Variants in GRIN2B observed in about 807,000 individuals in gnomAD.
GRIN2B encodes glutamate ionotropic receptor NMDA type subunit 2B.
Under a neutral mutation model 114.5 loss-of-function variants are expected in GRIN2B, and 5 were observed. The ratio of observed to expected loss-of-function variants is 0.04; its 90% CI spans 0.02 to 0.09. GRIN2B has a LOEUF of 0.09. GRIN2B is among the 10% of genes least tolerant of loss of function. The pLI, the probability that GRIN2B is intolerant of heterozygous loss-of-function variation, is 1.00. For missense variants in GRIN2B, 1,108 were observed against 1,943.5 expected (o/e 0.57, Z 8.08); for synonymous variants, 787 against 745.1 (o/e 1.06, Z -0.92).
chr12:13,794,381 T>C (rs1864379362), intron 3 of GRIN2B, among the ~76,000 whole-genome samples: 1 of 152,140 alleles, frequency 6.6e-6, no homozygotes, highest in Non-Finnish European at 1.5e-5. Flanking sequence ...CAGCAGCAGA[T>C]CCATTTCAAT....
At chr12:13,631,237 T>TC (rs1949613264) in intron 5 of GRIN2B, among the ~76,000 whole-genome samples, 1 of 152,192 alleles carries the variant, frequency 6.6e-6, no homozygotes, top group African/African-American at 2.4e-5. Flanking sequence ...TCTCACATCC[T>TC]CCACTGAAGG....
At position 13,558,880 on chromosome 12, in the gene GRIN2B, T is replaced by G. The variant is rs192848227; in HGVS notation, c.*3903A>C. ...AATTCAAGGGTCAGATTATTGTCAGTGGAAATGCTGAGATTTAAGCATTGC... is the reference window on the plus strand; with the variant it reads ...AATTCAAGGGTCAGATTATTGTCAGGGGAAATGCTGAGATTTAAGCATTGC... On this transcript the variant is annotated 3_prime_UTR_variant, in exon 14 of 14. Coordinates refer to ENST00000609686, the MANE Select transcript of GRIN2B (RefSeq NM_000834.5). The G allele has an allele frequency of 1.2e-3, 186 of 152,294 alleles. 2 individuals carry two copies. The highest frequency in any genetic ancestry group is 4.1e-3 in the African/African-American group (171 of 41,544). The allele number at this position is 152,294 out of a possible 1,614,324, so 9.4% of individuals were successfully genotyped here.
chr12:13,928,275 C>A (rs1236667046), intron 2 of GRIN2B, among the ~76,000 whole-genome samples: 1 of 150,520 alleles, frequency 6.6e-6, no homozygotes, highest in African/African-American at 2.4e-5. Flanking sequence ...TACACTCCAG[C>A]CTGGGTGACA....
intron 2 of GRIN2B, among the ~76,000 whole-genome samples, chr12:13,900,732 T>C (rs1866434087): frequency 6.6e-6 from 1 of 152,158 alleles, no homozygotes; most frequent in Non-Finnish European, 1.5e-5. Context: ...AAACAGTATG[T>C]TCAGTTGTTT....
Position 13,544,814 on chromosome 12 carries a change from T to C in GRIN2B, c.*17969A>G, listed in dbSNP as rs930394042. 1 of 152,238 alleles carries C rather than the reference T, an allele frequency of 6.6e-6. No individual in the cohort carries two copies. The highest frequency in any genetic ancestry group is 1.5e-5 in the Non-Finnish European group (1 of 68,046). 9.4% of individuals were successfully genotyped at this position (152,238 alleles called of 1,614,324 possible). A position where few individuals can be genotyped will look rare whatever the true frequency, so the allele number is the denominator to read the frequency against. ...AACATCATGGCCCAAGCAACTATGA[T>C]CTCTTACCAGGATTATTGCAAGAGC... is the stretch of plus-strand genomic sequence containing the variant. On this transcript the variant is annotated 3_prime_UTR_variant, in exon 14 of 14. Transcript: ENST00000609686.
chr12:13,658,201 C>T (rs1235099589), intron 5 of GRIN2B, among the ~76,000 whole-genome samples: 2 of 150,498 alleles, frequency 1.3e-5, no homozygotes, highest in Admixed American at 1.3e-4. Flanking sequence ...GAGCAAAACT[C>T]CATCTAAAAA....
chr12:13,705,348 G>A (rs754502499), intron 4 of GRIN2B, among the ~76,000 whole-genome samples: 10 of 152,120 alleles, frequency 6.6e-5, no homozygotes, highest in African/African-American at 1.2e-4. Context: ...CACTCTAAGA[G>A]ACACTAGAGG....
chr12:13,703,218 G>T (rs2136570944), intron 4 of GRIN2B, among the ~76,000 whole-genome samples: 1 of 152,190 alleles, frequency 6.6e-6, no homozygotes, highest in East Asian at 1.9e-4. Flanking sequence ...CTCCCATATG[G>T]CCAGCTAGAG....
chr12:13,842,213 G>T (rs549338794), intron 3 of GRIN2B, among the ~76,000 whole-genome samples: 1 of 152,280 alleles, frequency 6.6e-6, no homozygotes, highest in African/African-American at 2.4e-5. Flanking sequence ...CCACATAGGG[G>T]TTTCATTATG....
At chr12:13,640,731 A>C (rs559758226) in intron 5 of GRIN2B, among the ~76,000 whole-genome samples, 5 of 152,290 alleles carry the variant, frequency 3.3e-5, no homozygotes, top group African/African-American at 1.2e-4. Flanking sequence ...ATGAATGAGA[A>C]GCTTAGGGCC....
At chr12:13,728,399 C>A (rs536668424) in intron 4 of GRIN2B, among the ~76,000 whole-genome samples, 3 of 152,104 alleles carry the variant, frequency 2.0e-5, no homozygotes, top group East Asian at 1.9e-4. Context: ...CATCATCCAG[C>A]CACCAAAGGA....
chr12:13,824,946 A>G (rs1865004678), intron 3 of GRIN2B, among the ~76,000 whole-genome samples: 2 of 146,072 alleles, frequency 1.4e-5, no homozygotes, highest in African/African-American at 5.1e-5. Flanking sequence ...TCCCCTCTTC[A>G]TTTGTTTTCC....
chr12:13,821,349 C>T (rs931037921), intron 3 of GRIN2B, among the ~76,000 whole-genome samples: 2 of 152,158 alleles, frequency 1.3e-5, no homozygotes, highest in Non-Finnish European at 1.5e-5. Context: ...CTTACACATA[C>T]CATGCAGCTC....
intron 2 of GRIN2B, among the ~76,000 whole-genome samples, chr12:13,919,164 A>G (rs1168743988): frequency 6.6e-6 from 1 of 152,178 alleles, no homozygotes; most frequent in South Asian, 2.1e-4. Context: ...ACCTTCCCAC[A>G]AATATGCACA....
chr12:13,564,613 C>T lies in GRIN2B; in HGVS notation c.2625G>A (p.Val875=). ...TTACAGACTGGCGCTCCTCGATCGC[C>T]ACCCCATGGATGCAGCTGTAGATAC... The part of the protein sequence containing the change: ...SRGIYSCIHG[V]AIEERQSVMN... Residue 875 remains valine (V), a synonymous_variant, in exon 14 of 14, where the codon GTG becomes GTA. Coordinates refer to ENST00000609686, the MANE Select transcript of GRIN2B (RefSeq NM_000834.5). The surrounding 1 kb of genome is among the most constrained non-coding windows in gnomAD (Gnocchi z 4.8). 1 of 1,613,920 alleles carries T rather than the reference C, an allele frequency of 6.2e-7. No individual in the cohort carries two copies. The highest frequency in any genetic ancestry group is 8.5e-7 in the Non-Finnish European group (1 of 1,180,002).
chr12:13,864,779 G>C (rs1865799604), intron 3 of GRIN2B, among the ~76,000 whole-genome samples: 1 of 152,198 alleles, frequency 6.6e-6, no homozygotes, highest in Non-Finnish European at 1.5e-5. Context: ...GCTAGGATTT[G>C]TTGGAGATTT....
intron 3 of GRIN2B, among the ~76,000 whole-genome samples, chr12:13,768,020 CA>C (rs1863831287): frequency 6.6e-6 from 1 of 152,142 alleles, no homozygotes; most frequent in South Asian, 2.1e-4. Flanking sequence ...AAAGTTTCAC[CA>C]CAATAAAACT....
chr12:13,750,485 A>G (rs1863463931), intron 4 of GRIN2B, among the ~76,000 whole-genome samples: 1 of 152,224 alleles, frequency 6.6e-6, no homozygotes, highest in Admixed American at 6.5e-5. Context: ...GGCCATATTT[A>G]TGAGCTTTAA....
At chr12:13,800,827 A>G (rs1017709985) in intron 3 of GRIN2B, among the ~76,000 whole-genome samples, 2 of 152,190 alleles carry the variant, frequency 1.3e-5, no homozygotes, top group Non-Finnish European at 2.9e-5. Context: ...TTCACTTTGT[A>G]TTGTATAGAG....
Sources: allele counts gnomAD v4.1 joint callset (sites outside exome capture counted in the v4.1 genomes callset), GRCh38; gene constraint gnomAD v4.1.1; non-coding constraint Gnocchi (gnomAD v3.1); transcripts MANE v1.5; gene names NCBI Gene and HGNC (gene_info 2026-07-23, HGNC 2026-07-21).